PLA2G4A: variants seen among roughly 807,000 people sequenced by gnomAD.
The protein encoded by PLA2G4A is cytosolic phospholipase A2.
Under a neutral mutation model 81.9 loss-of-function variants are expected in PLA2G4A, and 40 were observed. The observed-to-expected ratio is 0.49, with a 90% CI of 0.38 to 0.64. The LOEUF is 0.64. PLA2G4A is among the 30% of genes least tolerant of loss of function. The pLI is 0.00. For synonymous variants in PLA2G4A, 302 were observed against 296.9 expected (o/e 1.02, Z -0.18); for missense variants, 715 against 905.1 (o/e 0.79, Z 2.69).
chr1:186,890,697 T>C (rs1654103807), intron 3 of PLA2G4A, among the ~76,000 whole-genome samples: 1 of 151,608 alleles, frequency 6.6e-6, no homozygotes. Flanking sequence ...CTACTGAATA[T>C]ACAAAAATTA....
intron 3 of PLA2G4A, among the ~76,000 whole-genome samples, chr1:186,879,574 A>G (rs1653649370): frequency 6.6e-6 from 1 of 151,956 alleles, no homozygotes; most frequent in South Asian, 2.1e-4. Flanking sequence ...GTGAACTTGG[A>G]CAAGTTACTT....
chr1:186,843,797 G>A (rs989992348), intron 1 of PLA2G4A, among the ~76,000 whole-genome samples: 1 of 152,158 alleles, frequency 6.6e-6, no homozygotes, highest in African/African-American at 2.4e-5. Context: ...TCTTACTATA[G>A]ATCTAAGCTC....
intron 1 of PLA2G4A, among the ~76,000 whole-genome samples, chr1:186,843,540 C>A (rs1475164557): frequency 1.3e-5 from 2 of 152,008 alleles, no homozygotes; most frequent in Admixed American, 1.3e-4. Flanking sequence ...AAGACTGACA[C>A]GTGTATAATG....
intron 1 of PLA2G4A, among the ~76,000 whole-genome samples, chr1:186,841,284 A>G (rs566695718): frequency 4.1e-4 from 63 of 152,228 alleles, no homozygotes; most frequent in Admixed American, 1.5e-3. Context: ...GGAGAAATTC[A>G]GTTATTTGTT....
In PLA2G4A at chr1:186,872,510, C is replaced by T. The variant is rs546661829; in HGVS notation, c.115+1994C>T. On this transcript the variant is annotated intron_variant, in intron 3 of 17. Transcript: ENST00000367466. Reference sequence around the variant, plus strand: ...ATCTGTTAGATAAAGCAGCAGCAATCCCCCCACCCCTTTTTTTTAATCAAT... The same window carrying T: ...ATCTGTTAGATAAAGCAGCAGCAATTCCCCCACCCCTTTTTTTTAATCAAT... Among the ~76,000 whole-genome samples the T allele has an allele frequency of 1.1e-4, 17 of 151,966 alleles. No individual in the cohort carries two copies. The South Asian group carries it at 3.5e-3, about 32-fold the overall frequency.
chr1:186,950,803 C>T, intron 13 of PLA2G4A, 75 bp downstream of exon 13: 1 of 812,920 alleles, frequency 1.2e-6, no homozygotes, highest in South Asian at 1.4e-5. Context: ...TTTTCTCACT[C>T]AAGATGCTGA....
intron 5 of PLA2G4A, among the ~76,000 whole-genome samples, chr1:186,900,153 C>A (rs1654485835): frequency 6.6e-6 from 1 of 152,128 alleles, no homozygotes; most frequent in Non-Finnish European, 1.5e-5. Flanking sequence ...GCTTTTGACT[C>A]AGACTCAGAG....
chr1:186,857,464 C>T (rs1187313004), intron 2 of PLA2G4A, among the ~76,000 whole-genome samples: 19 of 123,982 alleles, frequency 1.5e-4, no homozygotes, highest in African/African-American at 5.9e-4. Flanking sequence ...TAATATATAA[C>T]ATGTATAATA....
chr1:186,932,710 TG>T, intron 7 of PLA2G4A, 52 bp from the exon 8 acceptor site: 2 of 1,557,864 alleles, frequency 1.3e-6, no homozygotes. Flanking sequence ...TAAAGGGAAC[TG>T]TATTTTATGA....
At chr1:186,857,140 T>C (rs1379800690) in intron 2 of PLA2G4A, among the ~76,000 whole-genome samples, 1 of 38,420 alleles carries the variant, frequency 2.6e-5, no homozygotes, top group Non-Finnish European at 4.7e-5. Context: ...ATATATTATA[T>C]AATTATATAA....
At chr1:186,944,371 GC>G (rs1449581430) in intron 10 of PLA2G4A, among the ~76,000 whole-genome samples, 3 of 152,080 alleles carry the variant, frequency 2.0e-5, no homozygotes, top group Non-Finnish European at 4.4e-5. Flanking sequence ...ATGTGCCCAG[GC>G]CATGGCGCTA....
chr1:186,901,840 G>T (rs138272785), intron 5 of PLA2G4A, among the ~76,000 whole-genome samples: 89 of 152,316 alleles, frequency 5.8e-4, no homozygotes, highest in African/African-American at 2.1e-3. Flanking sequence ...TTTTGTGTGT[G>T]TGGGTTTGGG....
At chr1:186,891,407 G>A (rs186946564) in intron 3 of PLA2G4A, among the ~76,000 whole-genome samples, 42 of 129,510 alleles carry the variant, frequency 3.2e-4, no homozygotes, top group African/African-American at 1.3e-3. Context: ...TCATTTTTCT[G>A]TTGTGTTTTT....
rs777006571 is a variant in PLA2G4A at position 186,946,656 on chromosome 1, A to G, written c.1053A>G (p.Pro351=). Residue 351 remains proline, a synonymous_variant, in exon 11 of 18, where the codon CCA becomes CCG. Transcript: ENST00000367466. ...TTTCAGATTGGGTTGAATTTAGTCC[A>G]TACGAAATTGGCATGGCTAAATATG... ...LMFADWVEFS[P]YEIGMAKYGT... is the part of the protein sequence containing the mutation. 24 of 1,610,978 alleles carry G rather than the reference A, an allele frequency of 1.5e-5. 1 individual carries two copies. The South Asian group carries it at 2.5e-4, about 17-fold the overall frequency.
At chr1:186,889,097 G>C (rs1654040835) in intron 3 of PLA2G4A, among the ~76,000 whole-genome samples, 1 of 152,146 alleles carries the variant, frequency 6.6e-6, no homozygotes, top group South Asian at 2.1e-4. Context: ...GGTTGAAAAT[G>C]TGATAATGTT....
chr1:186,958,858 C>T lies in PLA2G4A; in HGVS notation c.1579+2514C>T, dbSNP rs527988797. 1.2e-3 allele frequency among the ~76,000 whole-genome samples: 181 copies of T among 152,082 alleles called. 1 individual carries two copies. The highest frequency in any genetic ancestry group is 1.8e-3 in the Admixed American group (27 of 15,276). On this transcript the variant is annotated intron_variant, in intron 14 of 17. Transcript: ENST00000367466. ...TGTAGATTTGGTGGTGTTGGGGTTA[C>T]CAGATAAAATACAGAATACCCAGTT...
chr1:186,855,493 G>A lies in PLA2G4A; in HGVS notation c.33+1106G>A, dbSNP rs142523351. ...ATTTTTACATATGTATTCCACCCAC[G>A]AAACCATCACTCAGATTATAAGTAC... On this transcript the variant is annotated intron_variant, in intron 2 of 17. Transcript: ENST00000367466. Among the ~76,000 whole-genome samples the A allele has an allele frequency of 2.3e-4, 35 of 151,934 alleles. No individual in the cohort carries two copies. In the East Asian group the frequency reaches 5.6e-3, roughly 24 times the overall value.
intron 2 of PLA2G4A, among the ~76,000 whole-genome samples, chr1:186,857,752 G>GC (rs1280739782): frequency 6.6e-6 from 1 of 151,420 alleles, no homozygotes; most frequent in Non-Finnish European, 1.5e-5. Flanking sequence ...CCCTTCCCCA[G>GC]CCCCCCACAC....
At chr1:186,869,153 A>G (rs1653148241) in intron 2 of PLA2G4A, among the ~76,000 whole-genome samples, 1 of 151,926 alleles carries the variant, frequency 6.6e-6, no homozygotes, top group South Asian at 2.1e-4. Flanking sequence ...CTTTTTTAAT[A>G]TATGCATTCA....
Sources: gnomAD v4.1 joint callset for allele counts (sites outside exome capture counted in the v4.1 genomes callset) on GRCh38, gnomAD v4.1.1 for gene constraint, MANE v1.5 for transcripts, NCBI Gene and HGNC (gene_info 2026-07-23, HGNC 2026-07-21) for gene names.